The following PADI4 variants were observed in gnomAD, a reference collection of about 807,000 sequenced individuals.
The protein encoded by PADI4 is protein-arginine deiminase type-4.
A neutral mutation model predicts 75.0 loss-of-function variants in PADI4; 62 were observed. The ratio of observed to expected loss-of-function variants is 0.83; its 90% CI spans 0.67 to 1.02. PADI4 has a LOEUF of 1.02. PADI4 is among the 50% of genes least tolerant of loss of function. The pLI is 0.00. For missense variants in PADI4, 845 were observed against 850.5 expected (o/e 0.99, Z 0.08); for synonymous variants, 361 against 348.1 (o/e 1.04, Z -0.41).
intron 8 of PADI4, 110 bp from the exon 9 acceptor site, chr1:17,345,918 T>C: frequency 1.5e-6 from 1 of 663,510 alleles, no homozygotes; most frequent in South Asian, 1.8e-5. Flanking sequence ...GCCAGGAGCC[T>C]CTGTTCAGGC....
At chr1:17,335,327 G>T (rs571504793) in intron 3 of PADI4, among the ~76,000 whole-genome samples, 3 of 152,168 alleles carry the variant, frequency 2.0e-5, no homozygotes, top group East Asian at 1.9e-4. Context: ...AGTGAAATTG[G>T]TATTATTATT....
intron 6 of PADI4, among the ~76,000 whole-genome samples, 168 bp from the exon 7 acceptor site, chr1:17,341,775 A>G (rs1748021): frequency 0.68 from 103,687 of 152,128 alleles, 35,439 homozygotes; most frequent in Non-Finnish European, 0.7. Context: ...TCCCAGCTAG[A>G]ACTTCAGTCC....
chr1:17,327,788 C>T (rs1411807941), intron 1 of PADI4, among the ~76,000 whole-genome samples: 1 of 151,928 alleles, frequency 6.6e-6, no homozygotes, highest in Non-Finnish European at 1.5e-5. Flanking sequence ...TCAAGTGATC[C>T]TCTCACCTCA....
Position 17,363,788 on chromosome 1 carries a change from C to A in PADI4, c.*33C>A. The A allele has an allele frequency of 1.4e-6, 2 of 1,472,134 alleles. No individual in the cohort carries two copies. Among genetic ancestry groups the A allele is most frequent in the Non-Finnish European group, 1.9e-6 (2 of 1,052,774 alleles). The allele number at this position is 1,472,134 out of a possible 1,614,324, so 91.2% of individuals were successfully genotyped here. On this transcript the variant is annotated 3_prime_UTR_variant, in exon 16 of 16. Coordinates refer to ENST00000375448, the MANE Select transcript of PADI4 (RefSeq NM_012387.3). ...TTCCCTGGCGTCCTCTCCCTCCTGG[C>A]CAGATGTCGCTGGGTCCTCTGCAGT...
rs111996425 is a variant in PADI4 at position 17,338,178 on chromosome 1, C to T, written c.526+23C>T. On this transcript the variant is annotated intron_variant, in intron 5 of 15. Transcript: ENST00000375448. ...AAGGTAAAGAGCATTTGCTAGCTAA[C>T]GGGAAGGGCTTTTTATAAAGCCCTT... The T allele has an allele frequency of 1.2e-4, 175 of 1,472,882 alleles. 2 individuals carry two copies. The highest frequency in any genetic ancestry group is 2.9e-4 in the African/African-American group (21 of 72,248). The allele number at this position is 1,472,882 out of a possible 1,614,324, so 91.2% of individuals were successfully genotyped here. A position where few individuals can be genotyped will look rare whatever the true frequency, so the allele number is the denominator to read the frequency against.
chr1:17,343,899 T>C (rs1289144374), intron 8 of PADI4, among the ~76,000 whole-genome samples: 1 of 152,188 alleles, frequency 6.6e-6, no homozygotes. Flanking sequence ...TACAGTAAAT[T>C]GATACCAGTA....
rs543920773 is a variant in PADI4, at chr1:17,363,849, C to T, written c.*94C>T. 25 of 858,366 alleles carry T rather than the reference C, an allele frequency of 2.9e-5. No individual in the cohort carries two copies. The highest frequency in any genetic ancestry group is 2.3e-4 in the Middle Eastern group (1 of 4,432). 53.2% of individuals were successfully genotyped at this position (858,366 alleles called of 1,614,324 possible). On this transcript the variant is annotated 3_prime_UTR_variant, in exon 16 of 16. Coordinates refer to ENST00000375448, the MANE Select transcript of PADI4 (RefSeq NM_012387.3). The stretch of plus-strand genomic sequence containing the variant: ...AGAGCTCTTGTGAATATTGTGGCTC[C>T]CTGGGGGCGGCCAGCCCTCCCAGCA...
chr1:17,342,766 G>A (rs1436083915), intron 8 of PADI4, among the ~76,000 whole-genome samples: 2 of 152,210 alleles, frequency 1.3e-5, no homozygotes, highest in African/African-American at 4.8e-5. Context: ...CTTAAGGTCA[G>A]AAGTTTGAGA....
At chr1:17,312,177 G>A (rs1159142231) in intron 1 of PADI4, among the ~76,000 whole-genome samples, 1 of 152,096 alleles carries the variant, frequency 6.6e-6, no homozygotes, top group Non-Finnish European at 1.5e-5. Context: ...AGTGGGAATT[G>A]GGCCGGATGT....
At chr1:17,323,411 G>A (rs564736602) in intron 1 of PADI4, among the ~76,000 whole-genome samples, 22 of 152,298 alleles carry the variant, frequency 1.4e-4, no homozygotes, top group African/African-American at 4.8e-4. Context: ...CAGCAGAGAC[G>A]GGAATTACTG....
chr1:17,323,334 C>CA (rs144306568), intron 1 of PADI4, among the ~76,000 whole-genome samples: 1 of 151,708 alleles, frequency 6.6e-6, no homozygotes, highest in East Asian at 1.9e-4. Flanking sequence ...CTTTTACTTC[C>CA]TTGGTTAGAA....
At chr1:17,347,748 T>C (rs1321260411) in intron 9 of PADI4, among the ~76,000 whole-genome samples, 193 bp from the exon 10 acceptor site, 2 of 152,186 alleles carry the variant, frequency 1.3e-5, no homozygotes, top group East Asian at 3.9e-4. Flanking sequence ...GCTCATGGCC[T>C]CTCGTGCACT....
Position 17,363,834 on chromosome 1 carries a change from T to C in PADI4, c.*79T>C. 2 of 1,011,820 alleles carry C rather than the reference T, an allele frequency of 2.0e-6. No homozygotes were observed. Among genetic ancestry groups the C allele is most frequent in the Middle Eastern group, 2.1e-4 (1 of 4,726 alleles). The allele number at this position is 1,011,820 out of a possible 1,614,324, so 62.7% of individuals were successfully genotyped here. Reference sequence around the variant, plus strand: ...GCAGTGTGGCAAGCAAGAGCTCTTGTGAATATTGTGGCTCCCTGGGGGCGG... The same window carrying C: ...GCAGTGTGGCAAGCAAGAGCTCTTGCGAATATTGTGGCTCCCTGGGGGCGG... On this transcript the variant is annotated 3_prime_UTR_variant, in exon 16 of 16. Coordinates refer to ENST00000375448, the MANE Select transcript of PADI4 (RefSeq NM_012387.3).
chr1:17,314,166 G>T (rs1177234514), intron 1 of PADI4, among the ~76,000 whole-genome samples: 1 of 152,188 alleles, frequency 6.6e-6, no homozygotes, highest in Non-Finnish European at 1.5e-5. Flanking sequence ...CGGTCCACCT[G>T]CTGTGTGCCC....
rs1553149922 is a variant in PADI4, at chr1:17,357,941, A to AAAAC, written c.1559-894_1559-893insCAAA. ...GCAAGACTCAGTCTCAAAAAAAAAA[A>AAAAC]AAAAAACAAGAAAATATTAAACTAG... On this transcript the variant is annotated intron_variant, in intron 13 of 15. Coordinates refer to ENST00000375448, the MANE Select transcript of PADI4 (RefSeq NM_012387.3). Among the ~76,000 whole-genome samples, 325 of 143,332 alleles carry AAAAC rather than the reference A, an allele frequency of 2.3e-3. 2 individuals carry two copies. Among genetic ancestry groups the AAAAC allele is most frequent in the Middle Eastern group, 3.6e-3 (1 of 274 alleles). The allele number at this position is 143,332 out of a possible 152,430, so 94.0% of individuals were successfully genotyped here.
chr1:17,334,349 C>T (rs1311969644), intron 3 of PADI4: 7 of 430,568 alleles, frequency 1.6e-5, no homozygotes, highest in Non-Finnish European at 3.4e-5. Context: ...GTCACCCAGG[C>T]TGGAGTGCAA....
chr1:17,358,578 A>T (rs867707215), intron 13 of PADI4, among the ~76,000 whole-genome samples: 3,698 of 131,580 alleles, frequency 0.028, 1,737 homozygotes, highest in African/African-American at 0.1. Context: ...AAAAAAAAAA[A>T]AATAATAATA....
chr1:17,325,290 T>A (rs1346179685), intron 1 of PADI4, among the ~76,000 whole-genome samples: 1 of 152,230 alleles, frequency 6.6e-6, no homozygotes, highest in Non-Finnish European at 1.5e-5. Flanking sequence ...ATTTTCTTCA[T>A]AAAAATCTTA....
At chr1:17,320,344 A>G (rs2074012731) in intron 1 of PADI4, among the ~76,000 whole-genome samples, 1 of 152,252 alleles carries the variant, frequency 6.6e-6, no homozygotes, top group African/African-American at 2.4e-5. Context: ...CCTGAGAAAG[A>G]ATTCAAGGTG....
Sources: allele counts gnomAD v4.1 joint callset (sites outside exome capture counted in the v4.1 genomes callset), GRCh38; gene constraint gnomAD v4.1.1; transcripts MANE v1.5; gene names NCBI Gene and HGNC (gene_info 2026-07-23, HGNC 2026-07-21).